ZNF804B: variants seen among roughly 807,000 people sequenced by gnomAD.
The protein encoded by ZNF804B is zinc finger protein 804B.
In ZNF804B, 80 loss-of-function variants were observed where a neutral mutation model predicts 101.4. The ratio of observed to expected loss-of-function variants is 0.79; its 90% CI spans 0.66 to 0.95. The LOEUF (loss-of-function observed/expected upper bound fraction) is 0.95. Ranked by LOEUF, ZNF804B falls within the 40% of genes least tolerant of loss-of-function variation. The pLI, the probability that ZNF804B is intolerant of heterozygous loss-of-function variation, is 0.00. For synonymous variants in ZNF804B, 622 were observed against 558.8 expected, an observed-to-expected ratio of 1.11 and a Z score of -1.59; for missense variants, 1,673 against 1,561.9, an observed-to-expected ratio of 1.07 and a Z score of -1.20.
chr7:88,857,449 G>T (rs1467808664), intron 1 of ZNF804B, among the ~76,000 whole-genome samples: 2 of 152,090 alleles, frequency 1.3e-5, no homozygotes, highest in African/African-American at 4.8e-5. Context: ...CGATCCCACA[G>T]AAATACAAAC....
intron 1 of ZNF804B, among the ~76,000 whole-genome samples, chr7:88,804,094 C>T (rs1357100303): frequency 8.6e-5 from 13 of 152,020 alleles, no homozygotes; most frequent in South Asian, 6.2e-4. Flanking sequence ...TTGGCAATTA[C>T]GTTTACTAGG....
intron 1 of ZNF804B, among the ~76,000 whole-genome samples, chr7:89,193,974 G>T (rs1388730838): frequency 6.6e-6 from 1 of 152,138 alleles, no homozygotes; most frequent in African/African-American, 2.4e-5. Flanking sequence ...TCCAGCACCT[G>T]TTGTTTCCTG....
intron 1 of ZNF804B, among the ~76,000 whole-genome samples, chr7:88,844,909 C>A (rs1791346321): frequency 6.6e-6 from 1 of 152,148 alleles, no homozygotes; most frequent in African/African-American, 2.4e-5. Context: ...CTTGAATAAA[C>A]ATCTTTAAAA....
At chr7:89,312,424 T>A (rs1474047172) in intron 2 of ZNF804B, among the ~76,000 whole-genome samples, 1 of 152,148 alleles carries the variant, frequency 6.6e-6, no homozygotes, top group African/African-American at 2.4e-5. Flanking sequence ...GGAATTATCA[T>A]AACCAATTTA....
At chr7:88,833,822 T>A (rs1022261900) in intron 1 of ZNF804B, among the ~76,000 whole-genome samples, 4 of 151,804 alleles carry the variant, frequency 2.6e-5, no homozygotes, top group Admixed American at 2.0e-4. Context: ...AGTGACAAGA[T>A]CAAGGCTAGG....
rs545237634 is a variant in ZNF804B, at chr7:89,150,516, C to T, written c.109-67639C>T. On this transcript the variant is annotated intron_variant, in intron 1 of 3. Transcript: ENST00000333190. Reference sequence around the variant, plus strand: ...ACGCATTTTTGCATTAATTAAATTTCTGCCCTTAGGTAGATCATTTAACCC... The same window carrying T: ...ACGCATTTTTGCATTAATTAAATTTTTGCCCTTAGGTAGATCATTTAACCC... 3.9e-5 allele frequency among the ~76,000 whole-genome samples: 6 copies of T among 152,224 alleles called. No homozygotes were observed. The South Asian group carries it at 1.2e-3, about 32-fold the overall frequency.
intron 2 of ZNF804B, among the ~76,000 whole-genome samples, chr7:89,299,749 G>A (rs946973605): frequency 1.3e-5 from 2 of 151,926 alleles, no homozygotes; most frequent in African/African-American, 4.8e-5. Context: ...AAGAGACTGA[G>A]GGTTAACTGC....
intron 1 of ZNF804B, among the ~76,000 whole-genome samples, chr7:88,863,226 C>A (rs886524296): frequency 3.3e-5 from 5 of 152,118 alleles, no homozygotes; most frequent in African/African-American, 1.2e-4. Flanking sequence ...GATACCCCTG[C>A]CCCCGAACCC....
At chr7:89,040,262 C>T (rs1384224109) in intron 1 of ZNF804B, among the ~76,000 whole-genome samples, 4 of 151,432 alleles carry the variant, frequency 2.6e-5, no homozygotes, top group African/African-American at 7.3e-5. Flanking sequence ...TTATCCTTTA[C>T]TCTTTTTATC....
chr7:89,281,785 T>C (rs983821809), intron 2 of ZNF804B, among the ~76,000 whole-genome samples: 4 of 152,132 alleles, frequency 2.6e-5, no homozygotes, highest in African/African-American at 7.2e-5. Context: ...AAGTAAGATA[T>C]AGTATTAATG....
intron 1 of ZNF804B, among the ~76,000 whole-genome samples, chr7:88,871,552 A>G (rs1018794423): frequency 2.0e-5 from 3 of 152,218 alleles, no homozygotes; most frequent in Admixed American, 1.3e-4. Context: ...ACTATACTTT[A>G]GTGGAACTGA....
At chr7:88,998,697 A>G (rs1788238655) in intron 1 of ZNF804B, among the ~76,000 whole-genome samples, 1 of 152,022 alleles carries the variant, frequency 6.6e-6, no homozygotes, top group African/African-American at 2.4e-5. Flanking sequence ...AATTGATGGT[A>G]ATGTCACAGA....
intron 2 of ZNF804B, among the ~76,000 whole-genome samples, chr7:89,255,342 A>G: frequency 6.6e-6 from 1 of 152,218 alleles, no homozygotes; most frequent in East Asian, 1.9e-4. Flanking sequence ...ATTCGAGGTG[A>G]GATTTTGTTG....
chr7:88,763,434 A>G (rs1442242414), intron 1 of ZNF804B, among the ~76,000 whole-genome samples: 3 of 152,138 alleles, frequency 2.0e-5, no homozygotes, highest in African/African-American at 4.8e-5. Context: ...TATCTATTGC[A>G]TCTTTCTTCT....
At chr7:89,121,717 A>G (rs1260266462) in intron 1 of ZNF804B, among the ~76,000 whole-genome samples, 1 of 152,220 alleles carries the variant, frequency 6.6e-6, no homozygotes, top group Non-Finnish European at 1.5e-5. Flanking sequence ...CCAGAGGTAT[A>G]GAATTAAAGT....
intron 1 of ZNF804B, among the ~76,000 whole-genome samples, chr7:89,165,078 C>T (rs1422266502): frequency 3.3e-5 from 5 of 152,022 alleles, no homozygotes; most frequent in African/African-American, 7.2e-5. Flanking sequence ...GTAGAACTTT[C>T]GGGATTCAAA....
At chr7:89,284,693 G>A (rs1319998555) in intron 2 of ZNF804B, among the ~76,000 whole-genome samples, 3 of 151,332 alleles carry the variant, frequency 2.0e-5, no homozygotes, top group African/African-American at 7.3e-5. Flanking sequence ...CACATCTGTA[G>A]ACTCTAACAG....
chr7:89,335,184 T>C lies in ZNF804B; in HGVS notation c.2202T>C (p.Asn734=), dbSNP rs1317216462. The change falls in exon 4 of 4, where the codon AAT becomes AAC. Residue 734 remains asparagine (N), a synonymous_variant. Coordinates refer to ENST00000333190, the MANE Select transcript of ZNF804B (RefSeq NM_181646.5). ...GTTCAAGTCATAGATTCAATGGTAA[T>C]AGCAGAGGTAATTTGCTCTGCTTCC... is the stretch of plus-strand genomic sequence containing the variant. ...STCSSHRFNG[N]SRGNLLCFHK... 1.9e-6 allele frequency: 3 copies of C among 1,613,872 alleles called. No homozygotes were observed. The highest frequency in any genetic ancestry group is 2.5e-6 in the Non-Finnish European group (3 of 1,179,932).
chr7:89,217,432 T>A (rs1788914539), intron 1 of ZNF804B, among the ~76,000 whole-genome samples: 1 of 152,174 alleles, frequency 6.6e-6, no homozygotes, highest in Admixed American at 6.5e-5. Context: ...AGAACCTTAC[T>A]CATAGGGTTG....
Sources: allele counts gnomAD v4.1 joint callset (sites outside exome capture counted in the v4.1 genomes callset), GRCh38; gene constraint gnomAD v4.1.1; transcripts MANE v1.5; gene names NCBI Gene and HGNC (gene_info 2026-07-23, HGNC 2026-07-21).